The following TENM3 variants were observed in gnomAD, a reference collection of about 807,000 sequenced individuals.
TENM3 encodes the protein teneurin transmembrane protein 3.
In TENM3, 63 loss-of-function variants were observed where a neutral mutation model predicts 255.1. That is an observed-to-expected ratio of 0.25 (90% CI 0.20 to 0.30). TENM3 has a LOEUF of 0.30. TENM3 is among the 10% of genes least tolerant of loss of function. TENM3 has a pLI of 1.00. For synonymous variants in TENM3, 1,306 were observed against 1,322.3 expected, an observed-to-expected ratio of 0.99 and a Z score of 0.27; for missense variants, 2,929 against 3,461.1, an observed-to-expected ratio of 0.85 and a Z score of 3.86.
chr4:182,215,057 A>C (rs1358602019), intron 1 of TENM3, among the ~76,000 whole-genome samples: 2 of 152,252 alleles, frequency 1.3e-5, no homozygotes, highest in Admixed American at 1.3e-4. Context: ...TACAGGCGTG[A>C]AACTCAACAG....
intron 3 of TENM3, among the ~76,000 whole-genome samples, chr4:182,380,188 T>C (rs1767469488): frequency 1.3e-5 from 2 of 152,164 alleles, no homozygotes; most frequent in South Asian, 4.1e-4. Context: ...TGAGAATCAC[T>C]TGAACCCGGG....
At chr4:181,704,332 G>A in the TENM3 span, among the ~76,000 whole-genome samples, 6 of 152,124 alleles carry the variant, frequency 3.9e-5, no homozygotes, top group African/African-American at 1.2e-4. Context: ...GAACTTACCT[G>A]TCCCAGGAGG....
At chr4:182,593,910 G>A (rs1026096459) in intron 3 of TENM3, among the ~76,000 whole-genome samples, 2 of 152,114 alleles carry the variant, frequency 1.3e-5, no homozygotes, top group African/African-American at 4.8e-5. Context: ...TGTAAACCAG[G>A]GAGGAGCTGG....
intron 3 of TENM3, among the ~76,000 whole-genome samples, chr4:182,584,558 T>C (rs776404494): frequency 3.9e-5 from 6 of 152,244 alleles, no homozygotes; most frequent in Non-Finnish European, 8.8e-5. Context: ...TTCCATCTTT[T>C]ATGCCAGCGA....
intron 1 of TENM3, among the ~76,000 whole-genome samples, chr4:182,160,308 G>T (rs1035214682): frequency 6.6e-6 from 1 of 152,100 alleles, no homozygotes; most frequent in Non-Finnish European, 1.5e-5. Context: ...GCCTATTCCG[G>T]TTCTTTTTTT....
chr4:181,923,487 A>G, the TENM3 span, among the ~76,000 whole-genome samples: 5 of 152,162 alleles, frequency 3.3e-5, no homozygotes, highest in Admixed American at 6.6e-5. Context: ...TTGACTTTGA[A>G]CATAGAGAAT....
chr4:182,196,167 C>T (rs902842423), intron 1 of TENM3, among the ~76,000 whole-genome samples: 8 of 152,078 alleles, frequency 5.3e-5, no homozygotes, highest in African/African-American at 9.7e-5. Context: ...ATCCCCCGTG[C>T]GGAGTGAATG....
intron 3 of TENM3, among the ~76,000 whole-genome samples, chr4:182,591,243 AAGAG>A (rs895958787): frequency 1.3e-5 from 2 of 152,172 alleles, no homozygotes; most frequent in South Asian, 2.1e-4. Flanking sequence ...AATCTAAAAA[AAGAG>A]AGAGAAAGAG....
At chr4:182,360,932 C>CT (rs1765928377) in intron 3 of TENM3, among the ~76,000 whole-genome samples, 2 of 152,124 alleles carry the variant, frequency 1.3e-5, no homozygotes, top group Admixed American at 1.3e-4. Context: ...GACAAAATCT[C>CT]TTAGCATTTG....
At chr4:181,715,816 T>C in the TENM3 span, among the ~76,000 whole-genome samples, 1 of 152,216 alleles carries the variant, frequency 6.6e-6, no homozygotes, top group African/African-American at 2.4e-5. Context: ...AATGCTTGAC[T>C]TGTAAGTACT....
the TENM3 span, among the ~76,000 whole-genome samples, chr4:181,470,389 C>T: frequency 5.3e-5 from 8 of 152,106 alleles, no homozygotes; most frequent in African/African-American, 1.9e-4. Context: ...TTGTTTTACA[C>T]TATGTGCTTG....
chr4:181,470,108 T>TAAAAAAAAAAACAAAAAAAAAAAAAAAAA, the TENM3 span, among the ~76,000 whole-genome samples: 1 of 112,746 alleles, frequency 8.9e-6, no homozygotes, highest in African/African-American at 3.3e-5. Flanking sequence ...ATAGCTTCTG[T>TAAAAAAAAAAACAAAAAAAAAAAAAAAAA]AAAAAAAAAA....
chr4:181,886,364 C>A, the TENM3 span, among the ~76,000 whole-genome samples: 2 of 152,142 alleles, frequency 1.3e-5, no homozygotes, highest in Admixed American at 1.3e-4. Flanking sequence ...GCCTCTACAA[C>A]TTTTTCTTCA....
the TENM3 span, among the ~76,000 whole-genome samples, chr4:181,453,561 C>CAA: frequency 2.1e-4 from 31 of 150,338 alleles, no homozygotes; most frequent in South Asian, 1.1e-3. Context: ...AAGTTGATAG[C>CAA]AAAAAAAAAG....
the TENM3 span, among the ~76,000 whole-genome samples, chr4:181,904,263 ACT>A: frequency 6.6e-6 from 1 of 151,566 alleles, no homozygotes; most frequent in African/African-American, 2.4e-5. Flanking sequence ...CACCCCCCTG[ACT>A]CTCTCGTGCT....
At chr4:182,638,902 AAGAC>A (rs1752067825) in intron 5 of TENM3, among the ~76,000 whole-genome samples, 1 of 152,228 alleles carries the variant, frequency 6.6e-6, no homozygotes, top group Non-Finnish European at 1.5e-5. Flanking sequence ...ATTTCCCAGA[AAGAC>A]AGAAGGATAT....
At chr4:182,394,353 T>G in intron 3 of TENM3, among the ~76,000 whole-genome samples, 1 of 152,172 alleles carries the variant, frequency 6.6e-6, no homozygotes, top group Non-Finnish European at 1.5e-5. Flanking sequence ...CTTACGCAAT[T>G]GAAATACATG....
intron 3 of TENM3, among the ~76,000 whole-genome samples, chr4:182,465,344 G>A (rs1317153966): frequency 6.6e-6 from 1 of 152,120 alleles, no homozygotes; most frequent in Non-Finnish European, 1.5e-5. Context: ...TTCAGGAAGG[G>A]GACTGGTCCA....
chr4:182,177,154 T>G (rs1375118333), intron 1 of TENM3, among the ~76,000 whole-genome samples: 1 of 152,086 alleles, frequency 6.6e-6, no homozygotes, highest in African/African-American at 2.4e-5. Flanking sequence ...GCTCTGGTGC[T>G]CAGGTGGTGC....
Sources: gnomAD v4.1 joint callset for allele counts (sites outside exome capture counted in the v4.1 genomes callset) on GRCh38, gnomAD v4.1.1 for gene constraint, MANE v1.5 for transcripts, NCBI Gene and HGNC (gene_info 2026-07-23, HGNC 2026-07-21) for gene names.